ZFPM2: variants seen among roughly 807,000 people sequenced by gnomAD.
ZFPM2 encodes the protein zinc finger protein ZFPM2.
ZFPM2 carries 20 observed loss-of-function variants against 98.6 expected under a neutral mutation model. The observed-to-expected ratio is 0.20, with a 90% CI of 0.14 to 0.29. ZFPM2 has a LOEUF of 0.29. Ranked by LOEUF, ZFPM2 falls within the 10% of genes least tolerant of loss-of-function variation. ZFPM2 has a pLI of 1.00. For missense variants in ZFPM2, 1,310 were observed against 1,388.6 expected, an observed-to-expected ratio of 0.94 and a Z score of 0.90; for synonymous variants, 518 against 502.7, an observed-to-expected ratio of 1.03 and a Z score of -0.41.
At chr8:105,692,423 C>T (rs1257534500) in intron 5 of ZFPM2, among the ~76,000 whole-genome samples, 1 of 152,100 alleles carries the variant, frequency 6.6e-6, no homozygotes, top group African/African-American at 2.4e-5. Flanking sequence ...TGTGCAAATA[C>T]ATAAAAATTT....
chr8:105,432,710 A>G (rs1563655870), intron 2 of ZFPM2, among the ~76,000 whole-genome samples: 2 of 152,206 alleles, frequency 1.3e-5, no homozygotes, highest in African/African-American at 4.8e-5. Flanking sequence ...ATGATATTAG[A>G]TACAGTGAGA....
intron 4 of ZFPM2, among the ~76,000 whole-genome samples, chr8:105,611,987 C>T (rs1372958298): frequency 6.6e-6 from 1 of 152,112 alleles, no homozygotes; most frequent in Non-Finnish European, 1.5e-5. Context: ...GCATGAGCCA[C>T]CACGCCCAGT....
At chr8:105,387,367 G>A (rs1382607508) in intron 1 of ZFPM2, 2 of 162,474 alleles carry the variant, frequency 1.2e-5, no homozygotes, top group East Asian at 1.9e-4. Flanking sequence ...GGGACTGGGC[G>A]CCGTAGAGCA....
At position 105,441,454 on chromosome 8, in the gene ZFPM2, GAAAGAA is replaced by G. The variant is rs1348938691; in HGVS notation, c.200-2824_200-2819del. Among the ~76,000 whole-genome samples, 29 of 54,366 alleles carry G rather than the reference GAAAGAA, an allele frequency of 5.3e-4. 3 individuals carry two copies. Among genetic ancestry groups the G allele is most frequent in the Non-Finnish European group, 6.4e-4 (20 of 31,424 alleles). The allele number at this position is 54,366 out of a possible 152,430, so 35.7% of individuals were successfully genotyped here. A position where few individuals can be genotyped will look rare whatever the true frequency, so the allele number is the denominator to read the frequency against. The stretch of plus-strand genomic sequence containing the variant: ...AAAGAAAGAGAGAGAGAGAGAGAGA[GAAAGAA>G]AGAAAGAAAGAAAGAAAGAAAGAAA... On this transcript the variant is annotated intron_variant, in intron 2 of 7. Transcript: ENST00000407775.
At chr8:105,741,165 G>A (rs1343657189) in intron 5 of ZFPM2, among the ~76,000 whole-genome samples, 3 of 151,982 alleles carry the variant, frequency 2.0e-5, no homozygotes, top group Non-Finnish European at 4.4e-5. Flanking sequence ...GGAGCCAAGG[G>A]AAGAAAGTGT....
intron 5 of ZFPM2, among the ~76,000 whole-genome samples, chr8:105,684,311 G>T (rs1240355219): frequency 1.3e-5 from 2 of 152,088 alleles, no homozygotes; most frequent in East Asian, 1.9e-4. Context: ...ATTTACTTTT[G>T]TCATGAAAGT....
intron 5 of ZFPM2, among the ~76,000 whole-genome samples, chr8:105,746,054 G>T (rs774901893): frequency 8.6e-5 from 13 of 151,942 alleles, no homozygotes; most frequent in Non-Finnish European, 1.8e-4. Context: ...TTATAGACCC[G>T]AACCACCACT....
chr8:105,543,195 G>A (rs56244309), intron 3 of ZFPM2, among the ~76,000 whole-genome samples: 61 of 152,232 alleles, frequency 4.0e-4, no homozygotes, highest in Non-Finnish European at 7.8e-4. Flanking sequence ...TAAGAGAAGC[G>A]AAATACAAGG....
chr8:105,551,912 GTA>G (rs1814862299), intron 3 of ZFPM2, among the ~76,000 whole-genome samples: 1 of 151,568 alleles, frequency 6.6e-6, no homozygotes, highest in Non-Finnish European at 1.5e-5. Context: ...AAACAAACAA[GTA>G]TATGTGATTG....
At chr8:105,573,399 G>A (rs1474540515) in intron 4 of ZFPM2, among the ~76,000 whole-genome samples, 1 of 152,156 alleles carries the variant, frequency 6.6e-6, no homozygotes, top group Non-Finnish European at 1.5e-5. Context: ...TGCATAAGTA[G>A]TTAACCTGAC....
chr8:105,377,035 G>A (rs977470451), intron 1 of ZFPM2, among the ~76,000 whole-genome samples: 2 of 152,072 alleles, frequency 1.3e-5, no homozygotes, highest in African/African-American at 2.4e-5. Flanking sequence ...TAACCATGTG[G>A]CTCTTTCTCA....
intron 5 of ZFPM2, among the ~76,000 whole-genome samples, chr8:105,692,498 A>T (rs913673662): frequency 6.6e-6 from 1 of 152,240 alleles, no homozygotes; most frequent in Non-Finnish European, 1.5e-5. Context: ...TCACATAATC[A>T]GATTCGTACA....
chr8:105,442,427 T>G lies in ZFPM2; in HGVS notation c.200-1853T>G, dbSNP rs1298529439. Among the ~76,000 whole-genome samples the G allele has an allele frequency of 3.3e-5, 5 of 152,192 alleles. No individual in the cohort carries two copies. The East Asian group carries it at 5.8e-4, about 18-fold the overall frequency. ...ATTTTCATTTGTCAACTTACCCTCT[T>G]TGTGTTTTTATTTTCAAAAACGGAC... On this transcript the variant is annotated intron_variant, in intron 2 of 7. Coordinates refer to ENST00000407775, the MANE Select transcript of ZFPM2 (RefSeq NM_012082.4).
At chr8:105,483,759 T>A (rs1316474049) in intron 3 of ZFPM2, among the ~76,000 whole-genome samples, 2 of 151,564 alleles carry the variant, frequency 1.3e-5, no homozygotes, top group African/African-American at 4.8e-5. Context: ...TTTTCTTTTT[T>A]TTTTTTTGAG....
rs1314333418 is a variant in ZFPM2, at chr8:105,803,794, T to C, written c.*256T>C. The C allele has an allele frequency of 4.7e-6, 2 of 425,080 alleles. No homozygotes were observed. Among genetic ancestry groups the C allele is most frequent in the East Asian group, 8.7e-5 (2 of 23,068 alleles). 26.3% of individuals were successfully genotyped at this position (425,080 alleles called of 1,614,324 possible). ...TATGTTATTTTTTATTTAAAAACTT[T>C]ATATTAAAGTCATTTGTAATGTTAT... On this transcript the variant is annotated 3_prime_UTR_variant, in exon 8 of 8. Transcript: ENST00000407775.
intron 1 of ZFPM2, among the ~76,000 whole-genome samples, chr8:105,359,185 A>G (rs1040503760): frequency 1.3e-5 from 2 of 151,922 alleles, no homozygotes; most frequent in African/African-American, 4.8e-5. Context: ...AGTTTTCCCC[A>G]TGCTCGACTT....
chr8:105,592,288 A>G (rs1378467667), intron 4 of ZFPM2, among the ~76,000 whole-genome samples: 3 of 152,156 alleles, frequency 2.0e-5, no homozygotes, highest in Non-Finnish European at 2.9e-5. Context: ...TAAAAATATA[A>G]AAATGCAATC....
intron 2 of ZFPM2, among the ~76,000 whole-genome samples, chr8:105,426,712 C>A (rs1260162463): frequency 6.6e-6 from 1 of 152,048 alleles, no homozygotes; most frequent in Non-Finnish European, 1.5e-5. Flanking sequence ...CTTTGGGAGG[C>A]TGAGGCTAGC....
chr8:105,704,877 C>A (rs1811221712), intron 5 of ZFPM2, among the ~76,000 whole-genome samples: 1 of 152,122 alleles, frequency 6.6e-6, no homozygotes, highest in South Asian at 2.1e-4. Flanking sequence ...GCACAGAATA[C>A]CAGAGAGGCT....
Sources: gnomAD v4.1 joint callset for allele counts (sites outside exome capture counted in the v4.1 genomes callset) on GRCh38, gnomAD v4.1.1 for gene constraint, MANE v1.5 for transcripts, NCBI Gene and HGNC (gene_info 2026-07-23, HGNC 2026-07-21) for gene names.